Variants in NRG1 observed in about 807,000 individuals in gnomAD.
NRG1 encodes pro-neuregulin-1, membrane-bound isoform.
In NRG1, 18 loss-of-function variants were observed where a neutral mutation model predicts 63.8. The ratio of observed to expected loss-of-function variants is 0.28; its 90% CI spans 0.19 to 0.42. NRG1 has a LOEUF of 0.42. NRG1 is among the 10% of genes least tolerant of loss of function. NRG1 has a pLI of 1.00. For synonymous variants in NRG1, 302 were observed against 301.3 expected (o/e 1.00, Z -0.02); for missense variants, 762 against 814.7 (o/e 0.94, Z 0.79).
chr8:32,666,467 C>T (rs1396169903), intron 5 of NRG1, among the ~76,000 whole-genome samples: 1 of 152,000 alleles, frequency 6.6e-6, no homozygotes. Flanking sequence ...CAAATAGAAG[C>T]AGCATTTTAA....
intron 1 of NRG1, among the ~76,000 whole-genome samples, chr8:32,395,229 T>C (rs1400007153): frequency 2.0e-5 from 3 of 152,180 alleles, no homozygotes; most frequent in African/African-American, 7.2e-5. Flanking sequence ...AACAACAGTT[T>C]ATTCATGTAA....
At chr8:32,711,329 T>TA (rs1817755200) in intron 5 of NRG1, among the ~76,000 whole-genome samples, 1 of 152,090 alleles carries the variant, frequency 6.6e-6, no homozygotes, top group African/African-American at 2.4e-5. Flanking sequence ...AGTAGATATT[T>TA]AATGAATGTC....
At chr8:32,720,688 CT>C (rs1820398256) in intron 5 of NRG1, among the ~76,000 whole-genome samples, 1 of 152,036 alleles carries the variant, frequency 6.6e-6, no homozygotes, top group Non-Finnish European at 1.5e-5. Flanking sequence ...TACTTTTCTT[CT>C]TCTTTGGAAA....
intron 1 of NRG1, among the ~76,000 whole-genome samples, chr8:32,336,898 C>T (rs1803341104): frequency 6.6e-6 from 1 of 152,008 alleles, no homozygotes; most frequent in African/African-American, 2.4e-5. Context: ...GCATGAGCCA[C>T]TGTGCCCGGC....
chr8:31,678,763 C>A (rs1360498704), intron 1 of NRG1, among the ~76,000 whole-genome samples: 3 of 146,850 alleles, frequency 2.0e-5, no homozygotes, highest in African/African-American at 7.4e-5. Flanking sequence ...GTTAAATAAT[C>A]AAATAATATT....
chr8:31,963,203 T>G (rs567468980), intron 1 of NRG1, among the ~76,000 whole-genome samples: 23 of 152,332 alleles, frequency 1.5e-4, no homozygotes, highest in Non-Finnish European at 2.6e-4. Flanking sequence ...GCTGTGCCAA[T>G]GAAACAATAG....
At chr8:32,645,324 A>G (rs1853282929) in intron 5 of NRG1, among the ~76,000 whole-genome samples, 1 of 152,176 alleles carries the variant, frequency 6.6e-6, no homozygotes, top group South Asian at 2.1e-4. Flanking sequence ...TTTAAACACC[A>G]TTTACTGTGC....
chr8:32,302,749 T>C (rs1185258269), intron 1 of NRG1, among the ~76,000 whole-genome samples: 1 of 138,524 alleles, frequency 7.2e-6, no homozygotes, highest in East Asian at 2.2e-4. Context: ...GATGTAACCA[T>C]ATGCCAATTT....
intron 1 of NRG1, among the ~76,000 whole-genome samples, chr8:32,326,307 CTT>C (rs745434807): frequency 8.9e-5 from 9 of 101,406 alleles, no homozygotes; most frequent in Non-Finnish European, 1.2e-4. Context: ...TGTGCCCAGG[CTT>C]TTTTTTTTTT....
In NRG1 at chr8:31,659,345, T is replaced by C. The variant is rs74408815; in HGVS notation, c.37+19914T>C. 5.7e-3 allele frequency among the ~76,000 whole-genome samples: 862 copies of C among 152,270 alleles called. 10 individuals are homozygous for C. Among genetic ancestry groups the C allele is most frequent in the African/African-American group, 0.02 (830 of 41,552 alleles). ...TAGCATGACCTTTCTGAATGGACTT[T>C]GGGACATGGCACCAAGAATGAGCAA... On this transcript the variant is annotated intron_variant, in intron 1 of 10. Coordinates refer to the NRG1 transcript ENST00000519301.
intron 1 of NRG1, among the ~76,000 whole-genome samples, chr8:32,360,770 T>C (rs1268420725): frequency 1.3e-5 from 2 of 152,180 alleles, no homozygotes; most frequent in Non-Finnish European, 2.9e-5. Context: ...CCTGTAACAG[T>C]TGCCCCCAGT....
intron 1 of NRG1, among the ~76,000 whole-genome samples, chr8:32,416,148 T>C (rs998078924): frequency 1.3e-5 from 2 of 152,212 alleles, no homozygotes; most frequent in African/African-American, 4.8e-5. Flanking sequence ...TTAAGCCTCA[T>C]GTTAGTTATC....
chr8:32,174,582 A>G lies in NRG1; in HGVS notation c.38-421246A>G, dbSNP rs367774483. Among the ~76,000 whole-genome samples the G allele has an allele frequency of 2.0e-5, 3 of 152,174 alleles. No individual in the cohort carries two copies. In the East Asian group the frequency reaches 5.8e-4, roughly 29 times the overall value. On this transcript the variant is annotated intron_variant, in intron 1 of 10. Coordinates refer to the NRG1 transcript ENST00000519301. ...AAAATATCAACAAAATTGATAGACC[A>G]CTAGCAAGACTAATAAAGAAGAAAA...
chr8:32,487,912 A>G (rs960104215), intron 1 of NRG1, among the ~76,000 whole-genome samples: 5 of 152,164 alleles, frequency 3.3e-5, no homozygotes, highest in African/African-American at 1.2e-4. Context: ...GTCATTAGTG[A>G]CAGATCTATT....
At chr8:32,566,466 G>T (rs1837480239) in intron 1 of NRG1, among the ~76,000 whole-genome samples, 1 of 152,018 alleles carries the variant, frequency 6.6e-6, no homozygotes, top group East Asian at 1.9e-4. Context: ...TGTGAAGAGG[G>T]TCTACTCTAA....
intron 1 of NRG1, among the ~76,000 whole-genome samples, chr8:32,410,176 C>CTTTTTTT (rs374377158): frequency 1.7e-4 from 17 of 99,304 alleles, no homozygotes; most frequent in Admixed American, 2.4e-4. Flanking sequence ...TTTTTCTTTC[C>CTTTTTTT]TTTTTTTTTT....
intron 5 of NRG1, among the ~76,000 whole-genome samples, chr8:32,663,618 G>C (rs896841434): frequency 6.6e-6 from 1 of 151,982 alleles, no homozygotes; most frequent in African/African-American, 2.4e-5. Flanking sequence ...ACTATTTTTT[G>C]TTCCACATAT....
chr8:32,687,756 A>C (rs1589212500), intron 5 of NRG1, among the ~76,000 whole-genome samples: 1 of 152,242 alleles, frequency 6.6e-6, no homozygotes, highest in Non-Finnish European at 1.5e-5. Flanking sequence ...GTCAACCTGC[A>C]GCTCAGAGAT....
intron 1 of NRG1, among the ~76,000 whole-genome samples, chr8:32,151,981 A>C (rs144061858): frequency 2.2e-4 from 34 of 152,350 alleles, no homozygotes; most frequent in Non-Finnish European, 4.3e-4. Flanking sequence ...ATGCCTTATC[A>C]GTGAGTTAGG....
Sources: gnomAD v4.1 joint callset for allele counts (sites outside exome capture counted in the v4.1 genomes callset) on GRCh38, gnomAD v4.1.1 for gene constraint, MANE v1.5 for transcripts, NCBI Gene and HGNC (gene_info 2026-07-23, HGNC 2026-07-21) for gene names.